DHRS12: variants seen among roughly 807,000 people sequenced by gnomAD.
The protein encoded by DHRS12 is dehydrogenase/reductase SDR family member 12.
A neutral mutation model predicts 32.1 loss-of-function variants in DHRS12; 29 were observed. The ratio of observed to expected loss-of-function variants is 0.90; its 90% CI spans 0.67 to 1.23. The LOEUF (loss-of-function observed/expected upper bound fraction) is 1.23. Ranked by LOEUF, DHRS12 falls within the 50% of genes most tolerant of loss-of-function variation. The pLI is 0.00. For missense variants in DHRS12, 330 were observed against 337.2 expected, an observed-to-expected ratio of 0.98 and a Z score of 0.17; for synonymous variants, 150 against 135.9, an observed-to-expected ratio of 1.10 and a Z score of -0.72.
the DHRS12 span, among the ~76,000 whole-genome samples, chr13:51,757,652 A>G: frequency 6.6e-6 from 1 of 151,870 alleles, no homozygotes; most frequent in African/African-American, 2.4e-5. Context: ...AAAAAAAAGT[A>G]TAGGTAAAAA....
chr13:51,755,772 A>G, the DHRS12 span, among the ~76,000 whole-genome samples: 8 of 152,318 alleles, frequency 5.3e-5, no homozygotes, highest in Admixed American at 3.9e-4. Flanking sequence ...ATGAAATTAT[A>G]TAAGTGGTGT....
chr13:51,769,004 G>T (rs1464526011), intron 8 of DHRS12, 152 bp downstream of exon 8: 2 of 1,428,232 alleles, frequency 1.4e-6, no homozygotes, highest in Non-Finnish European at 1.8e-6. Flanking sequence ...ACTAACCTCA[G>T]CAGGCAAAGC....
At chr13:51,758,678 G>A in the DHRS12 span, among the ~76,000 whole-genome samples, 28 of 152,104 alleles carry the variant, frequency 1.8e-4, no homozygotes, top group African/African-American at 5.8e-4. Flanking sequence ...CAGAGCTCCA[G>A]CCTGCAAGGA....
intron 2 of DHRS12, among the ~76,000 whole-genome samples, chr13:51,795,290 C>T (rs1318918563): frequency 6.6e-6 from 1 of 152,186 alleles, no homozygotes; most frequent in African/African-American, 2.4e-5. Context: ...CTACTGGGGG[C>T]TTGCAGGCTT....
chr13:51,783,261 A>G (rs985908911), intron 4 of DHRS12, among the ~76,000 whole-genome samples: 4 of 152,158 alleles, frequency 2.6e-5, no homozygotes, highest in Admixed American at 6.5e-5. Flanking sequence ...TAGGAGCTCC[A>G]GACTCCACCA....
chr13:51,803,687 G>C (rs1467000189), intron 1 of DHRS12: 4 of 181,116 alleles, frequency 2.2e-5, no homozygotes, highest in Non-Finnish European at 2.3e-5. Flanking sequence ...CCTATCTGAC[G>C]CCGCCAGCAG....
At chr13:51,802,776 A>G (rs1955819124) in intron 1 of DHRS12, among the ~76,000 whole-genome samples, 1 of 152,152 alleles carries the variant, frequency 6.6e-6, no homozygotes, top group Non-Finnish European at 1.5e-5. Context: ...CAGCAGGAAA[A>G]CCCATCTAAC....
intron 1 of DHRS12, among the ~76,000 whole-genome samples, chr13:51,801,209 CAG>C: frequency 6.6e-6 from 1 of 152,150 alleles, no homozygotes; most frequent in Non-Finnish European, 1.5e-5. Flanking sequence ...TTTTTTGAGA[CAG>C]AGTCCCACCC....
At chr13:51,776,763 G>A (rs1034921853) in intron 5 of DHRS12, among the ~76,000 whole-genome samples, 2 of 152,088 alleles carry the variant, frequency 1.3e-5, no homozygotes, top group Non-Finnish European at 2.9e-5. Flanking sequence ...ACCCTGACCT[G>A]AGCACCCCAC....
At chr13:51,776,159 TTCTACAGTATTCTCCTACATGTAC>T (rs1462812961) in intron 5 of DHRS12, 1 of 105,086 alleles carries the variant, frequency 9.5e-6, no homozygotes, top group East Asian at 2.9e-4. Flanking sequence ...CCTACATGTA[TTCTACAGTATTCTCCTACATGTAC>T]TCTACAGTAT....
chr13:51,799,676 A>G lies in DHRS12; in HGVS notation c.-8-9T>C. The stretch of plus-strand genomic sequence containing the variant: ...CAGATTCATAGCCACTCCTAGAAAG[A>G]GGAGACCCACAGGAAGACCAGCTGT... On this transcript the variant is annotated splice_polypyrimidine_tract_variant and intron_variant, in intron 1 of 8. Coordinates refer to ENST00000444610, the MANE Select transcript of DHRS12 (RefSeq NM_001377533.1). 1 of 1,613,598 alleles carries G rather than the reference A, an allele frequency of 6.2e-7. No homozygotes were observed.
chr13:51,769,363 TA>T (rs11374211), intron 7 of DHRS12, 70 bp from the exon 8 acceptor site: 164,381 of 950,684 alleles, frequency 0.17, no homozygotes, highest in South Asian at 0.19. Context: ...TCCCTTAATT[TA>T]AAAAAAAAAA....
At chr13:51,772,430 C>A (rs1485696341) in intron 6 of DHRS12, among the ~76,000 whole-genome samples, 1 of 152,154 alleles carries the variant, frequency 6.6e-6, no homozygotes, top group Non-Finnish European at 1.5e-5. Flanking sequence ...CAAGACCAGC[C>A]TGGCCAACGT....
chr13:51,794,908 T>G (rs1451347882), intron 2 of DHRS12, among the ~76,000 whole-genome samples: 1 of 152,080 alleles, frequency 6.6e-6, no homozygotes, highest in African/African-American at 2.4e-5. Flanking sequence ...TACACCCTGT[T>G]TCTCCCCTAG....
chr13:51,759,597 T>A, the DHRS12 span: 3 of 634,826 alleles, frequency 4.7e-6, no homozygotes, highest in Admixed American at 3.2e-5. Context: ...ATGAAAAAAA[T>A]ATTTTACAGA....
At chr13:51,800,313 GCA>G (rs1955693709) in intron 1 of DHRS12, among the ~76,000 whole-genome samples, 1 of 152,238 alleles carries the variant, frequency 6.6e-6, no homozygotes, top group Admixed American at 6.5e-5. Context: ...TTTCTGATTT[GCA>G]CAAAGGCATC....
At chr13:51,794,758 G>C (rs946491981) in intron 2 of DHRS12, among the ~76,000 whole-genome samples, 1 of 150,154 alleles carries the variant, frequency 6.7e-6, no homozygotes, top group South Asian at 2.1e-4. Flanking sequence ...AAAATCCCGA[G>C]AGCCTATCTC....
downstream of DHRS12, chr13:51,764,462 G>C (rs753580712): frequency 1.3e-5 from 2 of 153,078 alleles, no homozygotes; most frequent in Admixed American, 6.5e-5. Flanking sequence ...ACAAACAAAG[G>C]CCTGAGAGCT....
chr13:51,784,638 A>C (rs1954868301), intron 4 of DHRS12, among the ~76,000 whole-genome samples: 1 of 152,070 alleles, frequency 6.6e-6, no homozygotes, highest in South Asian at 2.1e-4. Flanking sequence ...CTGGAAGGAG[A>C]TATTAGGAAC....
Sources: allele counts gnomAD v4.1 joint callset (sites outside exome capture counted in the v4.1 genomes callset), GRCh38; gene constraint gnomAD v4.1.1; transcripts MANE v1.5; gene names NCBI Gene and HGNC (gene_info 2026-07-23, HGNC 2026-07-21).